The following ACO1 variants were observed in gnomAD, a reference collection of about 807,000 sequenced individuals.
The protein encoded by ACO1 is aconitase 1, also known as cytoplasmic aconitate hydratase.
ACO1 carries 78 observed loss-of-function variants against 105.1 expected under a neutral mutation model. The ratio of observed to expected loss-of-function variants is 0.74; its 90% CI spans 0.62 to 0.90. ACO1 has a LOEUF of 0.90. ACO1 is among the 40% of genes least tolerant of loss of function. ACO1 has a pLI of 0.00. For missense variants in ACO1, 965 were observed against 1,111.1 expected, an observed-to-expected ratio of 0.87 and a Z score of 1.87; for synonymous variants, 364 against 397.4, an observed-to-expected ratio of 0.92 and a Z score of 1.00.
In ACO1 at chr9:32,419,176, A is replaced by G; in HGVS notation, c.797A>G (p.Lys266Arg). Residue 266 changes from lysine (K) to arginine (R), a missense_variant and splice_region_variant, in exon 7 of 21, where the codon AAG becomes AGG. Physicochemically the swap from Lys to Arg is conservative, Grantham distance 26 (BLOSUM62 2). Coordinates refer to ENST00000309951, the MANE Select transcript of ACO1 (RefSeq NM_002197.3). ...ACTGACATCGTGCTCACCATTACCA[A>G]GGTAACAATGTGCATCCTCTTCTGT... ...TSTDIVLTIT[K>R]HLRQVGVVGK... 1 of 1,580,254 alleles carries G rather than the reference A, an allele frequency of 6.3e-7. No individual in the cohort carries two copies. Among genetic ancestry groups the G allele is most frequent in the Non-Finnish European group, 8.6e-7 (1 of 1,162,450 alleles).
intron 18 of ACO1, among the ~76,000 whole-genome samples, chr9:32,436,957 G>T (rs191684288): frequency 1.3e-5 from 2 of 152,258 alleles, no homozygotes; most frequent in East Asian, 3.9e-4. Context: ...TTGGAAGAAC[G>T]CTCTGAGGCT....
At chr9:32,427,274 A>G in intron 11 of ACO1, 27 bp from the exon 12 acceptor site, 1 of 1,613,572 alleles carries the variant, frequency 6.2e-7, no homozygotes, top group Non-Finnish European at 8.5e-7. Context: ...AGCCTCCCAC[A>G]CTGCATCTGT....
At chr9:32,410,255 C>A (rs572091518) in intron 4 of ACO1, among the ~76,000 whole-genome samples, 2 of 152,182 alleles carry the variant, frequency 1.3e-5, no homozygotes, top group Admixed American at 1.3e-4. Context: ...TTGATAAGGC[C>A]TATAAGAGTA....
chr9:32,411,389 G>A (rs769286977), intron 4 of ACO1, among the ~76,000 whole-genome samples: 12 of 152,194 alleles, frequency 7.9e-5, no homozygotes, highest in Non-Finnish European at 1.0e-4. Context: ...AAATGTATGC[G>A]TGTCAGATGT....
At position 32,398,792 on chromosome 9, in the gene ACO1, G is replaced by A. The variant is rs148850640; in HGVS notation, c.-22-6693G>A. 5.4e-3 allele frequency among the ~76,000 whole-genome samples: 822 copies of A among 151,924 alleles called. 9 individuals carry two copies. The highest frequency in any genetic ancestry group is 0.018 in the African/African-American group (739 of 41,422). On this transcript the variant is annotated intron_variant, in intron 1 of 20. Transcript: ENST00000309951. ...CACTTTTTTGTAGAGACATGGTCTCGCTATGTTGCCCAGGCTGGTCTCAAA... is the reference window on the plus strand; with the variant it reads ...CACTTTTTTGTAGAGACATGGTCTCACTATGTTGCCCAGGCTGGTCTCAAA...
In ACO1 at chr9:32,430,578, A is replaced by G. The variant is rs1453217320; in HGVS notation, c.1726+4A>G. On this transcript the variant is annotated splice_donor_region_variant and intron_variant, in intron 14 of 20. Coordinates refer to ENST00000309951, the MANE Select transcript of ACO1 (RefSeq NM_002197.3). Reference sequence around the variant, plus strand: ...GACTTTGAGAAAGAGCCATTGGGTAAGATTTTGTTTGTGCAGCCATAATTT... The same window carrying G: ...GACTTTGAGAAAGAGCCATTGGGTAGGATTTTGTTTGTGCAGCCATAATTT... The G allele has an allele frequency of 6.3e-7, 1 of 1,594,744 alleles. No homozygotes were observed. The highest frequency in any genetic ancestry group is 8.5e-7 in the Non-Finnish European group (1 of 1,171,618).
chr9:32,431,197 CTT>C (rs1348944104), intron 14 of ACO1, among the ~76,000 whole-genome samples: 1 of 152,128 alleles, frequency 6.6e-6, no homozygotes, highest in African/African-American at 2.4e-5. Context: ...GGGGTGAAAA[CTT>C]TATATCATTC....
chr9:32,423,523 G>T (rs1193568104), intron 9 of ACO1, 104 bp downstream of exon 9: 2 of 789,632 alleles, frequency 2.5e-6, no homozygotes, highest in Non-Finnish European at 4.2e-6. Flanking sequence ...ATTAGTCACT[G>T]CCAAGGCATT....
At chr9:32,411,300 A>C (rs977654865) in intron 4 of ACO1, among the ~76,000 whole-genome samples, 6 of 152,242 alleles carry the variant, frequency 3.9e-5, no homozygotes, top group Admixed American at 1.3e-4. Flanking sequence ...CAGTGGGAGA[A>C]ATAACTTTTC....
intron 1 of ACO1, among the ~76,000 whole-genome samples, chr9:32,400,947 GT>G (rs10713644): frequency 0.82 from 118,047 of 143,582 alleles, 48,318 homozygotes; most frequent in Middle Eastern, 0.92. Context: ...TGGTCTTGAA[GT>G]TTTTTTTTTT....
In ACO1 at chr9:32,440,487, A is replaced by AGC. The variant is rs774969291; in HGVS notation, c.2272_2273dup (p.Tyr759GlyfsTer9). ...CAGCTTGATGTGTTTGATGCTGCTG[A>AGC]GCGGTACCAGCAGGCAGGCCTTCCC... On this transcript the variant is annotated frameshift_variant, in exon 19 of 21. Transcript: ENST00000309951. LOFTEE classifies it high-confidence loss of function. 81 of 1,613,794 alleles carry AGC rather than the reference A, an allele frequency of 5.0e-5. No homozygotes were observed. Among genetic ancestry groups the AGC allele is most frequent in the Non-Finnish European group, 4.3e-5 (51 of 1,179,890 alleles).
At chr9:32,424,022 C>T (rs774301245) in intron 9 of ACO1, among the ~76,000 whole-genome samples, 1 of 152,136 alleles carries the variant, frequency 6.6e-6, no homozygotes, top group Non-Finnish European at 1.5e-5. Context: ...AAACTGAATC[C>T]ACGTTTTTCT....
At chr9:32,394,378 C>T (rs932597031) in intron 1 of ACO1, among the ~76,000 whole-genome samples, 8 of 152,232 alleles carry the variant, frequency 5.3e-5, no homozygotes, top group Non-Finnish European at 1.0e-4. Context: ...AGTCTCCATT[C>T]TCAGTCTGAG....
chr9:32,429,469 C>A lies in ACO1; in HGVS notation c.1535C>A (p.Pro512His), dbSNP rs141464328. 1 of 1,614,050 alleles carries A rather than the reference C, an allele frequency of 6.2e-7. No homozygotes were observed. The highest frequency in any genetic ancestry group is 1.3e-5 in the African/African-American group (1 of 74,924). Residue 512 changes from proline (P) to histidine (H), a missense_variant, in exon 13 of 21, where the codon CCT (proline) becomes CAT (histidine). Transcript: ENST00000309951. ...GCMTCIGNSG[P>H]LPEPVVEAIT... ...ATGACCTGCATTGGCAACAGTGGGC[C>A]TTTACCTGAACCTGTGGTAGAAGCC...
chr9:32,449,114 C>G (rs377061850), intron 20 of ACO1, 33 bp downstream of exon 20: 18 of 1,549,858 alleles, frequency 1.2e-5, no homozygotes, highest in Middle Eastern at 1.9e-4. Flanking sequence ...CAGGCCCTGT[C>G]GAAAGGGGCC....
chr9:32,405,516 C>CCATT lies in ACO1; in HGVS notation c.12_15dup (p.Ala6IlefsTer6). On this transcript the variant is annotated frameshift_variant, in exon 2 of 21. Transcript: ENST00000309951. LOFTEE classifies it high-confidence loss of function. ...GTGGCCATCAGTAATCATGAGCAAC[C>CCATT]CATTCGCACACCTTGCTGAGCCATT... 6.2e-7 allele frequency: 1 copy of CCATT among 1,613,192 alleles called. No homozygotes were observed. Among genetic ancestry groups the CCATT allele is most frequent in the Non-Finnish European group, 8.5e-7 (1 of 1,179,380 alleles).
Position 32,418,528 on chromosome 9 carries a change from A to C in ACO1, c.658+17A>C. ...TTGGTTGGGGTGAGTGTTCTTCCATATATGCTGTTTTGGGGCATGCACTTT... is the reference window on the plus strand; with the variant it reads ...TTGGTTGGGGTGAGTGTTCTTCCATCTATGCTGTTTTGGGGCATGCACTTT... On this transcript the variant is annotated intron_variant, in intron 6 of 20. Transcript: ENST00000309951. 6.2e-7 allele frequency: 1 copy of C among 1,604,050 alleles called. No homozygotes were observed. Among genetic ancestry groups the C allele is most frequent in the Non-Finnish European group, 8.5e-7 (1 of 1,172,892 alleles).
At chr9:32,407,803 AC>A (rs993774345) in intron 3 of ACO1, among the ~76,000 whole-genome samples, 3 of 152,302 alleles carry the variant, frequency 2.0e-5, no homozygotes, top group Admixed American at 6.5e-5. Context: ...GGTGTGTCAA[AC>A]ACTTGTACTT....
At chr9:32,418,946 G>A (rs1821910164) in intron 6 of ACO1, 92 bp from the exon 7 acceptor site, 1 of 1,380,904 alleles carries the variant, frequency 7.2e-7, no homozygotes, top group African/African-American at 1.5e-5. Flanking sequence ...GTTGTAACTG[G>A]GTTTATTACC....
Sources: allele counts gnomAD v4.1 joint callset (sites outside exome capture counted in the v4.1 genomes callset), GRCh38; gene constraint gnomAD v4.1.1; transcripts MANE v1.5; gene names NCBI Gene and HGNC (gene_info 2026-07-23, HGNC 2026-07-21).